ABCA9: variants seen among roughly 807,000 people sequenced by gnomAD.
ABCA9 encodes the protein ATP binding cassette subfamily A member 9, also known as ATP-binding cassette sub-family A member 9.
In ABCA9, 183 loss-of-function variants were observed where a neutral mutation model predicts 205.3. The ratio of observed to expected loss-of-function variants is 0.89; its 90% CI spans 0.79 to 1.01. The LOEUF (loss-of-function observed/expected upper bound fraction) is 1.01. Among genes scored for constraint, ABCA9 ranks in the 50% least tolerant of loss-of-function variants. ABCA9 has a pLI of 0.00. For synonymous variants in ABCA9, 651 were observed against 683.3 expected, an observed-to-expected ratio of 0.95 and a Z score of 0.74; for missense variants, 1,805 against 1,912.4, an observed-to-expected ratio of 0.94 and a Z score of 1.05.
intron 6 of ABCA9, among the ~76,000 whole-genome samples, chr17:69,038,892 C>T (rs941667101): frequency 6.6e-6 from 1 of 152,128 alleles, no homozygotes; most frequent in African/African-American, 2.4e-5. Flanking sequence ...AATCAATGTG[C>T]AACAATCACA....
chr17:69,014,445 C>A (rs184104844), intron 22 of ABCA9, among the ~76,000 whole-genome samples: 13 of 152,162 alleles, frequency 8.5e-5, no homozygotes, highest in Admixed American at 7.2e-4. Flanking sequence ...CTGAAAAAAT[C>A]GAGAATCCGA....
At position 68,985,051 on chromosome 17, in the gene ABCA9, A is replaced by G; in HGVS notation, c.4284+2T>C. 1 of 1,614,178 alleles carries G rather than the reference A, an allele frequency of 6.2e-7. No homozygotes were observed. The highest frequency in any genetic ancestry group is 8.5e-7 in the Non-Finnish European group (1 of 1,180,032). ...CAGAGCAACAACAAGCCCTGCCCGT[A>G]CCTTTCGCTTTATTCCCTCTGACAA... On this transcript the variant is annotated splice_donor_variant, in intron 33 of 38. Transcript: ENST00000340001. LOFTEE classifies it high-confidence loss of function.
At chr17:69,071,501 CCTGA>C in the ABCA9 span, among the ~76,000 whole-genome samples, 2 of 152,234 alleles carry the variant, frequency 1.3e-5, no homozygotes, top group South Asian at 2.1e-4. Context: ...AGAAGAGGGG[CCTGA>C]CTGTTAGAAG....
chr17:69,032,482 G>GCTTCTCATGTT, intron 9 of ABCA9: 1 of 451,894 alleles, frequency 2.2e-6, no homozygotes, highest in Non-Finnish European at 3.9e-6. Context: ...TTTTTAACAT[G>GCTTCTCATGTT]AGAAGCATGT....
At chr17:68,979,379 A>G (rs1256036837) in intron 37 of ABCA9, among the ~76,000 whole-genome samples, 3 of 152,206 alleles carry the variant, frequency 2.0e-5, no homozygotes, top group African/African-American at 7.2e-5. Context: ...TATAGATTCA[A>G]TGCCATCCCC....
In ABCA9 at chr17:69,012,055, C is replaced by T. The variant is rs770362206; in HGVS notation, c.3068G>A (p.Arg1023Gln). 1.9e-5 allele frequency: 31 copies of T among 1,612,808 alleles called. No homozygotes were observed. Among genetic ancestry groups the T allele is most frequent in the South Asian group, 6.6e-5 (6 of 90,932 alleles). Reference protein sequence around the residue: ...EEHMDYEYGYRSNTFFWIPMA... With the variant: ...EEHMDYEYGYQSNTFFWIPMA... ...CGGTATCCAGAAGAAGGTGTTACTT[C>T]GGTACCCATACTCATAATCCATATG... is the stretch of plus-strand genomic sequence containing the variant. The change falls in exon 23 of 39, where the codon CGA becomes CAA. Residue 1023 changes from arginine to glutamine, a missense_variant. Physicochemically the swap from Arg to Gln is conservative, Grantham distance 43. Transcript: ENST00000340001.
At position 69,004,341 on chromosome 17, in the gene ABCA9, A is replaced by C. The variant is rs1385510146; in HGVS notation, c.3435+3418T>G. Among the ~76,000 whole-genome samples, 5 of 152,214 alleles carry C rather than the reference A, an allele frequency of 3.3e-5. No individual in the cohort carries two copies. The East Asian group carries it at 9.6e-4, about 29-fold the overall frequency. On this transcript the variant is annotated intron_variant, in intron 25 of 38. Transcript: ENST00000340001. ...TTTGTTAGTTTTCCTTCTAACGGAC[A>C]GGACCCTGAGCTGCAGGTCTGTTGG... is the stretch of plus-strand genomic sequence containing the variant.
chr17:68,992,828 G>C (rs1052255161), intron 27 of ABCA9, 188 bp downstream of exon 27: 8 of 435,140 alleles, frequency 1.8e-5, no homozygotes, highest in Admixed American at 3.9e-5. Flanking sequence ...AAAAAAAAGG[G>C]GGGGGGTCCA....
At chr17:69,001,820 TC>T (rs1219463097) in intron 25 of ABCA9, among the ~76,000 whole-genome samples, 1 of 152,084 alleles carries the variant, frequency 6.6e-6, no homozygotes, top group Non-Finnish European at 1.5e-5. Flanking sequence ...ATTCAGAGAT[TC>T]AACTTCTTTC....
chr17:68,980,548 A>G (rs914896523), intron 37 of ABCA9, among the ~76,000 whole-genome samples: 56 of 152,118 alleles, frequency 3.7e-4, no homozygotes, highest in Non-Finnish European at 6.9e-4. Flanking sequence ...ATGTCCAACA[A>G]TGATAGACTG....
intron 2 of ABCA9, among the ~76,000 whole-genome samples, chr17:69,050,769 C>T (rs2071877322): frequency 6.6e-6 from 1 of 151,936 alleles, no homozygotes; most frequent in Non-Finnish European, 1.5e-5. Flanking sequence ...AAAGATATGG[C>T]TTTATTTTTC....
chr17:69,051,860 A>G (rs989116301), intron 1 of ABCA9: 26 of 152,232 alleles, frequency 1.7e-4, no homozygotes, highest in Non-Finnish European at 4.4e-5. Context: ...TTCCAAAAAT[A>G]TTCAGGAACT....
rs145265488 is a variant in ABCA9, at chr17:69,059,172, C to T, written c.-14+1694G>A. On this transcript the variant is annotated intron_variant, in intron 1 of 38. Coordinates refer to ENST00000340001, the MANE Select transcript of ABCA9 (RefSeq NM_080283.4). ...GATGAGATTGGAGTGGGGACAGAGC[C>T]AAACTATATCACAAGGCATAGTTGA... is the stretch of plus-strand genomic sequence containing the variant. 3.5e-3 allele frequency among the ~76,000 whole-genome samples: 527 copies of T among 152,200 alleles called. 5 individuals carry two copies. Among genetic ancestry groups the T allele is most frequent in the African/African-American group, 0.012 (490 of 41,518 alleles).
At chr17:69,037,316 TA>T (rs2071379146) in intron 6 of ABCA9, among the ~76,000 whole-genome samples, 1 of 152,066 alleles carries the variant, frequency 6.6e-6, no homozygotes, top group Admixed American at 6.6e-5. Context: ...TAATCGGAAG[TA>T]AAACACTCCT....
intron 11 of ABCA9, 87 bp from the exon 12 acceptor site, chr17:69,028,732 A>G: frequency 1.5e-6 from 1 of 668,904 alleles, no homozygotes. Context: ...TGCAGCATGA[A>G]TAGATTGAGC....
chr17:69,034,774 T>A (rs1366513505), intron 8 of ABCA9: 1 of 152,250 alleles, frequency 6.6e-6, no homozygotes, highest in Non-Finnish European at 1.5e-5. Context: ...ATGTCTTAAC[T>A]GGACTGCGGT....
chr17:69,006,950 G>A (rs574510269), intron 25 of ABCA9, among the ~76,000 whole-genome samples: 2 of 152,316 alleles, frequency 1.3e-5, no homozygotes, highest in South Asian at 2.1e-4. Context: ...CATAGGCAAT[G>A]GATAGAGCAG....
intron 1 of ABCA9, among the ~76,000 whole-genome samples, chr17:69,054,246 A>G (rs4968993): frequency 0.37 from 56,529 of 152,024 alleles, 10,859 homozygotes; most frequent in East Asian, 0.68. Context: ...ATAAGCCTGG[A>G]CACAGTGGCT....
chr17:69,005,654 G>A (rs906524381), intron 25 of ABCA9, among the ~76,000 whole-genome samples: 7 of 152,076 alleles, frequency 4.6e-5, no homozygotes, highest in South Asian at 2.1e-4. Flanking sequence ...TCTTTGTTTC[G>A]TTCTACCCTG....
Sources: allele counts gnomAD v4.1 joint callset (sites outside exome capture counted in the v4.1 genomes callset), GRCh38; gene constraint gnomAD v4.1.1; transcripts MANE v1.5; gene names NCBI Gene and HGNC (gene_info 2026-07-23, HGNC 2026-07-21).